The following HTR4 variants were observed in gnomAD, a reference collection of about 807,000 sequenced individuals.
HTR4 encodes the protein 5-hydroxytryptamine (serotonin) receptor 4, G protein-coupled.
Under a neutral mutation model 36.8 loss-of-function variants are expected in HTR4, and 16 were observed. That is an observed-to-expected ratio of 0.43 (90% CI 0.29 to 0.66). The LOEUF (loss-of-function observed/expected upper bound fraction) is 0.66, where lower values mean the gene tolerates loss of function less well. Ranked by LOEUF, HTR4 falls within the 30% of genes least tolerant of loss-of-function variation. The pLI, the probability that HTR4 is intolerant of heterozygous loss-of-function variation, is 0.13. For synonymous variants in HTR4, 189 were observed against 185.1 expected, an observed-to-expected ratio of 1.02 and a Z score of -0.17; for missense variants, 438 against 490.9, an observed-to-expected ratio of 0.89 and a Z score of 1.02.
intron 2 of HTR4, among the ~76,000 whole-genome samples, chr5:148,610,140 G>A (rs181433082): frequency 1.3e-5 from 2 of 152,260 alleles, no homozygotes; most frequent in African/African-American, 4.8e-5. Flanking sequence ...AGTGAGTGGA[G>A]GCCTTCTTCA....
chr5:148,605,251 CTTTTCTT>C (rs1752105134), intron 2 of HTR4, among the ~76,000 whole-genome samples: 1 of 101,466 alleles, frequency 9.9e-6, no homozygotes. Context: ...CTTTTCTTTT[CTTTTCTT>C]TTTTTTTTTT....
chr5:148,520,364 C>G (rs554965955), intron 5 of HTR4, among the ~76,000 whole-genome samples: 30 of 152,148 alleles, frequency 2.0e-4, no homozygotes, highest in Admixed American at 3.3e-4. Context: ...TCTAAGTGAA[C>G]AAAAACTTTC....
chr5:148,558,512 C>G (rs1011693638), intron 2 of HTR4, among the ~76,000 whole-genome samples: 16 of 152,198 alleles, frequency 1.1e-4, no homozygotes, highest in African/African-American at 3.9e-4. Context: ...CTGCCATTCT[C>G]AAGAACTTTT....
intron 5 of HTR4, chr5:148,466,015 T>C: frequency 6.4e-7 from 1 of 1,565,052 alleles, no homozygotes; most frequent in Non-Finnish European, 8.6e-7. Flanking sequence ...TAGAGATTAG[T>C]AGACACATGA....
At chr5:148,617,091 G>A (rs964080407) in intron 2 of HTR4, among the ~76,000 whole-genome samples, 2 of 152,214 alleles carry the variant, frequency 1.3e-5, no homozygotes, top group East Asian at 1.9e-4. Flanking sequence ...CCTCATTGTC[G>A]GAGGTAGGAC....
Position 148,523,181 on chromosome 5 carries a change from G to A in HTR4, c.507+12C>T. On this transcript the variant is annotated intron_variant, in intron 5 of 6. Coordinates refer to ENST00000377888, the MANE Select transcript of HTR4 (RefSeq NM_000870.7). ...CAGACAGTAAACCAGTGAGGTCTGTGTGGATACTCACCAAATCAATTATGC... is the reference window on the plus strand; with the variant it reads ...CAGACAGTAAACCAGTGAGGTCTGTATGGATACTCACCAAATCAATTATGC... 1.2e-6 allele frequency: 2 copies of A among 1,611,326 alleles called. No homozygotes were observed. Among genetic ancestry groups the A allele is most frequent in the Non-Finnish European group, 1.7e-6 (2 of 1,177,926 alleles).
intron 2 of HTR4, among the ~76,000 whole-genome samples, chr5:148,610,451 C>T (rs559349285): frequency 4.6e-5 from 7 of 152,282 alleles, no homozygotes; most frequent in African/African-American, 1.7e-4. Context: ...CTCCAACAGA[C>T]CTGCAGCTGA....
intron 6 of HTR4, among the ~76,000 whole-genome samples, chr5:148,506,446 T>A (rs1757219365): frequency 6.6e-6 from 1 of 152,140 alleles, no homozygotes; most frequent in African/African-American, 2.4e-5. Context: ...GCAATACCAT[T>A]CGGGACATAG....
At chr5:148,641,789 A>G (rs1401114004) in intron 1 of HTR4, among the ~76,000 whole-genome samples, 2 of 152,206 alleles carry the variant, frequency 1.3e-5, no homozygotes, top group Non-Finnish European at 2.9e-5. Flanking sequence ...AGGTAAGTGC[A>G]TCCCATCTTT....
intron 2 of HTR4, among the ~76,000 whole-genome samples, chr5:148,621,497 C>G (rs1465923655): frequency 1.3e-5 from 2 of 152,340 alleles, no homozygotes; most frequent in South Asian, 4.1e-4. Context: ...CTGGTCCAGA[C>G]TCTGCTAGTC....
chr5:148,589,057 C>A (rs1761457761), intron 2 of HTR4, among the ~76,000 whole-genome samples: 1 of 152,018 alleles, frequency 6.6e-6, no homozygotes, highest in Non-Finnish European at 1.5e-5. Flanking sequence ...TTAATCGATA[C>A]TCCACTATAT....
rs569111353 is a variant in HTR4, at chr5:148,458,333, C to T, written c.1077-7061G>A. On this transcript the variant is annotated intron_variant, in intron 5 of 5. Coordinates refer to the HTR4 transcript ENST00000521530. ...ACACAAATCCTAGACATTTATTCATCCAGCCACTTATTTACTAAAATTTTT... is the reference window on the plus strand; with the variant it reads ...ACACAAATCCTAGACATTTATTCATTCAGCCACTTATTTACTAAAATTTTT... Among the ~76,000 whole-genome samples the T allele has an allele frequency of 2.0e-5, 3 of 151,938 alleles. No homozygotes were observed. The South Asian group carries it at 6.2e-4, about 31-fold the overall frequency.
intron 4 of HTR4, among the ~76,000 whole-genome samples, chr5:148,540,305 A>G (rs1759041478): frequency 6.7e-6 from 1 of 150,314 alleles, no homozygotes; most frequent in South Asian, 2.1e-4. Context: ...AATAATGTAT[A>G]CAACGAACCC....
chr5:148,553,261 G>A (rs760772440), intron 2 of HTR4, among the ~76,000 whole-genome samples: 1 of 152,198 alleles, frequency 6.6e-6, no homozygotes, highest in Non-Finnish European at 1.5e-5. Flanking sequence ...GCCTGTGGCG[G>A]ATTGCAGACT....
chr5:148,562,192 A>G (rs1315178479), intron 2 of HTR4, among the ~76,000 whole-genome samples: 2 of 152,356 alleles, frequency 1.3e-5, no homozygotes, highest in African/African-American at 4.8e-5. Flanking sequence ...AGCTGAGTTT[A>G]CACTACAAAA....
chr5:148,560,130 C>G (rs1158777827), intron 2 of HTR4, among the ~76,000 whole-genome samples: 1 of 140,690 alleles, frequency 7.1e-6, no homozygotes, highest in Non-Finnish European at 1.5e-5. Context: ...ACTTTGGGTT[C>G]TTGTACTAAG....
At chr5:148,492,212 G>C (rs1032141423) in intron 6 of HTR4, among the ~76,000 whole-genome samples, 13 of 152,180 alleles carry the variant, frequency 8.5e-5, no homozygotes, top group Admixed American at 5.9e-4. Flanking sequence ...CGGAGCAAAA[G>C]GGGGAAAACA....
At chr5:148,592,933 T>A (rs1761628718) in intron 2 of HTR4, among the ~76,000 whole-genome samples, 1 of 152,182 alleles carries the variant, frequency 6.6e-6, no homozygotes, top group South Asian at 2.1e-4. Flanking sequence ...AAATTTTGAT[T>A]ACTATGTTTT....
chr5:148,502,729 A>G (rs1028707785), intron 6 of HTR4, among the ~76,000 whole-genome samples: 1 of 152,212 alleles, frequency 6.6e-6, no homozygotes, highest in Admixed American at 6.5e-5. Context: ...CATCGCAAAG[A>G]AGCTAAAAAC....
Sources: gnomAD v4.1 joint callset for allele counts (sites outside exome capture counted in the v4.1 genomes callset) on GRCh38, gnomAD v4.1.1 for gene constraint, MANE v1.5 for transcripts, NCBI Gene and HGNC (gene_info 2026-07-23, HGNC 2026-07-21) for gene names.